GLDC: variants seen among roughly 807,000 people sequenced by gnomAD.
GLDC encodes the protein glycine dehydrogenase (decarboxylating), mitochondrial.
In GLDC, 104 loss-of-function variants were observed where a neutral mutation model predicts 121.3. The observed-to-expected ratio is 0.86, with a 90% confidence interval of 0.73 to 1.01. The LOEUF (loss-of-function observed/expected upper bound fraction) is 1.01, where lower values mean the gene tolerates loss of function less well. Among genes scored for constraint, GLDC ranks in the 50% least tolerant of loss-of-function variants. GLDC has a pLI of 0.00. For synonymous variants in GLDC, 546 were observed against 480.6 expected (o/e 1.14, Z -1.78); for missense variants, 1,429 against 1,306.6 (o/e 1.09, Z -1.44).
At chr9:6,542,943 A>C (rs1817300364) in intron 21 of GLDC, among the ~76,000 whole-genome samples, 1 of 151,508 alleles carries the variant, frequency 6.6e-6, no homozygotes, top group African/African-American at 2.4e-5. Flanking sequence ...GTAGGTAAAC[A>C]TAGGGAAAAA....
chr9:6,611,573 T>C (rs554884942), intron 3 of GLDC, among the ~76,000 whole-genome samples: 2 of 150,568 alleles, frequency 1.3e-5, no homozygotes, highest in South Asian at 4.2e-4. Context: ...AAAAAAAAAT[T>C]AGTACATCAT....
At position 6,540,037 on chromosome 9, in the gene GLDC, C is replaced by G. The variant is rs763417653; in HGVS notation, c.2665+14G>C. 6.4e-7 allele frequency: 1 copy of G among 1,567,166 alleles called. No homozygotes were observed. Among genetic ancestry groups the G allele is most frequent in the South Asian group, 1.1e-5 (1 of 90,062 alleles). On this transcript the variant is annotated intron_variant, in intron 22 of 24. Coordinates refer to ENST00000321612, the MANE Select transcript of GLDC (RefSeq NM_000170.3). Reference sequence around the variant, plus strand: ...CCAGCATGGGCGGCGGCATGAATGTCAAAAGCCACTTACCATAATCCTGGA... The same window carrying G: ...CCAGCATGGGCGGCGGCATGAATGTGAAAAGCCACTTACCATAATCCTGGA...
chr9:6,637,440 G>T (rs967032816), intron 2 of GLDC, among the ~76,000 whole-genome samples: 8 of 151,702 alleles, frequency 5.3e-5, no homozygotes, highest in African/African-American at 1.9e-4. Context: ...AAGATTGAGG[G>T]TTTTTTAATT....
rs763854673 is a variant in GLDC at position 6,556,163 on chromosome 9, A to G, written c.2192T>C (p.Met731Thr). The stretch of plus-strand genomic sequence containing the variant: ...CTCTTCAGTTCCCACCTGAGCATTC[A>G]TATTTGCCCCGTCTAGGTAGACCTG... ...GGQVYLDGAN[M>T]NAQVGICRPG... The change falls in exon 18 of 25, where the codon ATG becomes ACG. Residue 731 changes from methionine to threonine, a missense_variant. By Grantham distance (81) the Met-to-Thr change is moderately conservative. Transcript: ENST00000321612. 20 of 1,612,424 alleles carry G rather than the reference A, an allele frequency of 1.2e-5. No individual in the cohort carries two copies. The highest frequency in any genetic ancestry group is 1.6e-5 in the Non-Finnish European group (19 of 1,179,270).
At chr9:6,585,106 T>A (rs1208634902) in intron 15 of GLDC, 1 of 152,198 alleles carries the variant, frequency 6.6e-6, no homozygotes. Context: ...GATTGTGATG[T>A]GGGCATCAGG....
At chr9:6,590,691 A>C (rs1031337198) in intron 11 of GLDC, among the ~76,000 whole-genome samples, 1 of 152,230 alleles carries the variant, frequency 6.6e-6, no homozygotes, top group Non-Finnish European at 1.5e-5. Flanking sequence ...ATTTAGCCTC[A>C]GGTACTCCAA....
intron 2 of GLDC, among the ~76,000 whole-genome samples, chr9:6,643,295 C>G (rs975936697): frequency 6.6e-6 from 1 of 151,730 alleles, no homozygotes; most frequent in African/African-American, 2.4e-5. Flanking sequence ...AGGTTTTCAA[C>G]GACCATCAGA....
chr9:6,549,720 C>T (rs1817469686), intron 21 of GLDC, among the ~76,000 whole-genome samples: 1 of 152,022 alleles, frequency 6.6e-6, no homozygotes, highest in Admixed American at 6.6e-5. Flanking sequence ...GCCTATTATT[C>T]CCTCTACTGT....
At chr9:6,551,609 G>A (rs971510827) in intron 20 of GLDC, among the ~76,000 whole-genome samples, 3 of 152,068 alleles carry the variant, frequency 2.0e-5, no homozygotes, top group African/African-American at 7.2e-5. Flanking sequence ...TCATTAAGGG[G>A]GTCCAAAGTA....
intron 21 of GLDC, among the ~76,000 whole-genome samples, chr9:6,549,934 A>G (rs1817476310): frequency 6.6e-6 from 1 of 152,190 alleles, no homozygotes; most frequent in Non-Finnish European, 1.5e-5. Flanking sequence ...GGTGAAGTCC[A>G]GAGCCTTCCA....
At chr9:6,571,320 C>T (rs546989166) in intron 15 of GLDC, among the ~76,000 whole-genome samples, 7 of 152,190 alleles carry the variant, frequency 4.6e-5, no homozygotes, top group East Asian at 1.9e-4. Flanking sequence ...AGGTGTACTA[C>T]GATTTTTCCT....
intron 2 of GLDC, among the ~76,000 whole-genome samples, chr9:6,643,197 C>G (rs924332281): frequency 6.6e-6 from 1 of 152,072 alleles, no homozygotes; most frequent in Admixed American, 6.6e-5. Flanking sequence ...CGTGCCCAGC[C>G]AGGATTCTGA....
In GLDC at chr9:6,604,658, G is replaced by A; in HGVS notation, c.988C>T (p.His330Tyr). 2 of 1,613,984 alleles carry A rather than the reference G, an allele frequency of 1.2e-6. No individual in the cohort carries two copies. The highest frequency in any genetic ancestry group is 1.7e-6 in the Non-Finnish European group (2 of 1,180,002). ...FGVPLGYGGP[H>Y]AAFFAVRESL... ...TCTCGGACAGCAAAAAATGCTGCAT[G>A]GGGTCCCCCATAGCCCAGTGGCACT... The change falls in exon 7 of 25, where the codon CAT (histidine) becomes TAT (tyrosine). Residue 330 changes from histidine (H) to tyrosine (Y), a missense_variant. Coordinates refer to ENST00000321612, the MANE Select transcript of GLDC (RefSeq NM_000170.3).
intron 3 of GLDC, among the ~76,000 whole-genome samples, chr9:6,614,663 A>G (rs1818932951): frequency 1.3e-5 from 2 of 152,122 alleles, no homozygotes; most frequent in Non-Finnish European, 2.9e-5. Context: ...TGCTGGGATA[A>G]CAGGAGTGAG....
At chr9:6,605,308 T>A in intron 5 of GLDC, 30 bp from the exon 6 acceptor site, 2 of 1,611,338 alleles carry the variant, frequency 1.2e-6, no homozygotes, top group Non-Finnish European at 1.7e-6. Flanking sequence ...AGAACAATCG[T>A]GCTTTCGGTT....
intron 3 of GLDC, among the ~76,000 whole-genome samples, chr9:6,619,142 C>T (rs949167400): frequency 5.6e-5 from 4 of 71,100 alleles, no homozygotes; most frequent in Non-Finnish European, 9.2e-5. Flanking sequence ...GACTCTGTCT[C>T]AGGCAAAAAA....
chr9:6,578,430 T>C (rs1226764853), intron 15 of GLDC, among the ~76,000 whole-genome samples: 1 of 152,096 alleles, frequency 6.6e-6, no homozygotes, highest in Admixed American at 6.5e-5. Context: ...TCTTCTTTTT[T>C]AATGTAGTTA....
chr9:6,576,511 G>C (rs944404706), intron 15 of GLDC, among the ~76,000 whole-genome samples: 7 of 152,104 alleles, frequency 4.6e-5, no homozygotes, highest in African/African-American at 1.7e-4. Flanking sequence ...TTGTCGCCCA[G>C]GCTGGGGTGC....
chr9:6,639,668 A>AAAATATATAT lies in GLDC; in HGVS notation c.334+4945_334+4946insATATATATTT. On this transcript the variant is annotated intron_variant, in intron 2 of 24. Coordinates refer to ENST00000321612, the MANE Select transcript of GLDC (RefSeq NM_000170.3). ...ATATATCTTTTCACCATAAAAAAAAAGTATATATATATATATATATGGACA... is the reference window on the plus strand; with the variant it reads ...ATATATCTTTTCACCATAAAAAAAAAAAATATATATGTATATATATATATATATATGGACA... The AAAATATATAT allele has an allele frequency of 1.0e-4, 26 of 250,546 alleles. 2 individuals are homozygous for AAAATATATAT. The highest frequency in any genetic ancestry group is 4.6e-4 in the East Asian group (4 of 8,698). 15.5% of individuals were successfully genotyped at this position (250,546 alleles called of 1,614,324 possible). A position where few individuals can be genotyped will look rare whatever the true frequency, so the allele number is the denominator to read the frequency against.
Sources: allele counts gnomAD v4.1 joint callset (sites outside exome capture counted in the v4.1 genomes callset), GRCh38; gene constraint gnomAD v4.1.1; transcripts MANE v1.5; gene names NCBI Gene and HGNC (gene_info 2026-07-23, HGNC 2026-07-21).